DACH1: variants seen among roughly 807,000 people sequenced by gnomAD.
DACH1 encodes the protein dachshund homolog 1.
A neutral mutation model predicts 54.2 loss-of-function variants in DACH1; 12 were observed. That is an observed-to-expected ratio of 0.22 (90% CI 0.14 to 0.36). The LOEUF is 0.36. DACH1 is among the 10% of genes least tolerant of loss of function. The probability of loss-of-function intolerance (pLI) is 1.00; values close to 1 mark genes in which losing one functional copy is unlikely to be tolerated. For missense variants in DACH1, 805 were observed against 929.8 expected (o/e 0.87, Z 1.75); for synonymous variants, 386 against 366.2 (o/e 1.05, Z -0.62).
At chr13:71,588,908 G>T (rs959098152) in intron 3 of DACH1, among the ~76,000 whole-genome samples, 8 of 152,018 alleles carry the variant, frequency 5.3e-5, no homozygotes, top group African/African-American at 1.9e-4. Flanking sequence ...TTTAAATGGA[G>T]CAAGTTGTTT....
chr13:71,680,343 C>T (rs183483534), intron 2 of DACH1, among the ~76,000 whole-genome samples: 6 of 152,100 alleles, frequency 3.9e-5, no homozygotes, highest in South Asian at 2.1e-4. Flanking sequence ...GGCTCATGCC[C>T]GTAATCCAGG....
chr13:71,864,170 C>A (rs1874541897), intron 1 of DACH1, among the ~76,000 whole-genome samples: 1 of 128,454 alleles, frequency 7.8e-6, no homozygotes. Flanking sequence ...TTTGAGCGCG[C>A]GCGCGCACAT....
rs529984281 is a variant in DACH1 at position 71,643,004 on chromosome 13, G to A, written c.965-12287C>T. On this transcript the variant is annotated intron_variant, in intron 2 of 10. Coordinates refer to ENST00000613252, the MANE Select transcript of DACH1 (RefSeq NM_080759.6). ...CGCGCCACTGCACTCCAGCCTGGGA[G>A]ACAGAGTGAGACTCCATCTCAAAAA... Among the ~76,000 whole-genome samples the A allele has an allele frequency of 5.7e-3, 862 of 151,836 alleles. 6 individuals carry two copies. Among genetic ancestry groups the A allele is most frequent in the Non-Finnish European group, 9.1e-3 (619 of 67,930 alleles).
At chr13:71,497,756 G>GGTGAACA (rs138137470) in intron 6 of DACH1, among the ~76,000 whole-genome samples, 141,141 of 151,778 alleles carry the variant, frequency 0.93, 66,511 homozygotes, top group East Asian at 1. Context: ...GAGTTAGTTT[G>GGTGAACA]GTTAAAATTG....
At chr13:71,752,057 A>G (rs758491104) in intron 1 of DACH1, among the ~76,000 whole-genome samples, 8 of 152,188 alleles carry the variant, frequency 5.3e-5, no homozygotes, top group Non-Finnish European at 1.2e-4. Context: ...GAAAGAATAG[A>G]AAAGTCACTG....
intron 5 of DACH1, among the ~76,000 whole-genome samples, chr13:71,559,557 G>A (rs545824049): frequency 7.6e-4 from 115 of 152,134 alleles, no homozygotes; most frequent in African/African-American, 2.7e-3. Flanking sequence ...CAATCTAAAC[G>A]GTTACTTATT....
chr13:71,634,751 T>C (rs1288567638), intron 2 of DACH1, among the ~76,000 whole-genome samples: 1 of 152,174 alleles, frequency 6.6e-6, no homozygotes, highest in Non-Finnish European at 1.5e-5. Context: ...GAGTCTGCCA[T>C]CCCTAGCTGT....
In DACH1 at chr13:71,866,761, C is replaced by T. The variant is rs1874852654; in HGVS notation, c.9G>A (p.Val3=). 2.9e-6 allele frequency: 4 copies of T among 1,372,622 alleles called. No individual in the cohort carries two copies. In the East Asian group the frequency reaches 1.1e-4, roughly 38 times the overall value. The allele number at this position is 1,372,622 out of a possible 1,614,324, so 85.0% of individuals were successfully genotyped here. A position where few individuals can be genotyped will look rare whatever the true frequency, so the allele number is the denominator to read the frequency against. MA[V]PAALIPPTQL... ...GGGTCGGAGGGATCAAAGCCGCCGG[C>T]ACTGCCATGGTCACATATAAGGGGA... The change falls in exon 1 of 11, where the codon GTG becomes GTA. Residue 3 remains valine, a synonymous_variant. Coordinates refer to ENST00000613252, the MANE Select transcript of DACH1 (RefSeq NM_080759.6).
chr13:71,553,505 A>G (rs528022482), intron 6 of DACH1, among the ~76,000 whole-genome samples: 12 of 146,612 alleles, frequency 8.2e-5, no homozygotes, highest in African/African-American at 2.2e-4. Flanking sequence ...ATATACATAT[A>G]TATGGATGTG....
rs1382817347 is a variant in DACH1 at position 71,630,637 on chromosome 13, A to G, written c.1045T>C (p.Leu349=). The G allele has an allele frequency of 2.5e-6, 4 of 1,612,236 alleles. No individual in the cohort carries two copies. Among genetic ancestry groups the G allele is most frequent in the Non-Finnish European group, 3.4e-6 (4 of 1,179,384 alleles). ...AEAMKVKKIK[L]EAMSNYHASN... is the part of the protein sequence containing the mutation. ...GCATGATAGTTGCTCATGGCTTCTA[A>G]TTTGATTTTTTTCACCTTCATTGCT... The change falls in exon 3 of 11, where the codon TTA becomes CTA. Residue 349 remains leucine (L), a synonymous_variant. Transcript: ENST00000613252.
chr13:71,730,174 C>T (rs1883672405), intron 1 of DACH1, among the ~76,000 whole-genome samples: 1 of 151,650 alleles, frequency 6.6e-6, no homozygotes, highest in South Asian at 2.1e-4. Context: ...ACATTGTGCA[C>T]ATGTACCCTA....
rs183241858 is a variant in DACH1, at chr13:71,661,041, T to C, written c.964+20754A>G. ...AAAAGATTGTTATAGAACAATCTCATGTCCTAGACAGGGGAAAAGCAAAAA... is the reference window on the plus strand; with the variant it reads ...AAAAGATTGTTATAGAACAATCTCACGTCCTAGACAGGGGAAAAGCAAAAA... On this transcript the variant is annotated intron_variant, in intron 2 of 10. Coordinates refer to ENST00000613252, the MANE Select transcript of DACH1 (RefSeq NM_080759.6). Among the ~76,000 whole-genome samples, 748 of 149,954 alleles carry C rather than the reference T, an allele frequency of 5.0e-3. 6 individuals carry two copies. The highest frequency in any genetic ancestry group is 0.017 in the African/African-American group (704 of 41,182).
chr13:71,653,763 T>C (rs943284946), intron 2 of DACH1, among the ~76,000 whole-genome samples: 3 of 152,238 alleles, frequency 2.0e-5, no homozygotes, highest in Non-Finnish European at 2.9e-5. Context: ...CACTATCATT[T>C]ATTCTAAATT....
Position 71,503,486 on chromosome 13 carries a change from C to A in DACH1, c.1571-14338G>T, listed in dbSNP as rs1002094505. Among the ~76,000 whole-genome samples the A allele has an allele frequency of 4.6e-5, 7 of 152,274 alleles. No homozygotes were observed. In the South Asian group the frequency reaches 1.2e-3, roughly 27 times the overall value. ...TGAATGAGAAGGGATATAATAAAAA[C>A]TGCTTTTGTTTGAGTTGCCTTTTTA... On this transcript the variant is annotated intron_variant, in intron 6 of 10. Coordinates refer to ENST00000613252, the MANE Select transcript of DACH1 (RefSeq NM_080759.6).
At chr13:71,706,723 G>A (rs915864111) in intron 1 of DACH1, among the ~76,000 whole-genome samples, 1 of 151,816 alleles carries the variant, frequency 6.6e-6, no homozygotes, top group Admixed American at 6.6e-5. Context: ...ACCAAAATAT[G>A]CATTCTTATT....
At position 71,822,207 on chromosome 13, in the gene DACH1, C is replaced by T. The variant is rs114834932; in HGVS notation, c.848+43715G>A. 5.4e-3 allele frequency among the ~76,000 whole-genome samples: 829 copies of T among 152,186 alleles called. 5 individuals carry two copies. Among genetic ancestry groups the T allele is most frequent in the African/African-American group, 0.017 (707 of 41,502 alleles). On this transcript the variant is annotated intron_variant, in intron 1 of 10. Coordinates refer to ENST00000613252, the MANE Select transcript of DACH1 (RefSeq NM_080759.6). ...TTTAGTGTCATGTATTAAACTATCC[C>T]ATTTTAAATAAGTTAATAATATAAT...
intron 8 of DACH1, among the ~76,000 whole-genome samples, chr13:71,476,696 T>C (rs1025167456): frequency 6.6e-6 from 1 of 152,138 alleles, no homozygotes; most frequent in Admixed American, 6.5e-5. Flanking sequence ...AATATTTGTA[T>C]ATGATACATA....
intron 1 of DACH1, among the ~76,000 whole-genome samples, chr13:71,770,069 C>G (rs1179821413): frequency 6.6e-6 from 1 of 151,660 alleles, no homozygotes; most frequent in Admixed American, 6.6e-5. Context: ...TAAATCAATT[C>G]TGCCATTCAC....
At chr13:71,738,036 G>A (rs752187510) in intron 1 of DACH1, among the ~76,000 whole-genome samples, 68 of 152,136 alleles carry the variant, frequency 4.5e-4, no homozygotes, top group Non-Finnish European at 7.6e-4. Flanking sequence ...TAGTAGTTCC[G>A]AGGAGAAAAA....
Sources: allele counts gnomAD v4.1 joint callset (sites outside exome capture counted in the v4.1 genomes callset), GRCh38; gene constraint gnomAD v4.1.1; transcripts MANE v1.5; gene names NCBI Gene and HGNC (gene_info 2026-07-23, HGNC 2026-07-21).